SLC35D4: variants seen among roughly 807,000 people sequenced by gnomAD.
SLC35D4 encodes solute carrier family 35 member D4.
At chr18:23,317,050 G>A in the SLC35D4 span, among the ~76,000 whole-genome samples, 1 of 152,076 alleles carries the variant, frequency 6.6e-6, no homozygotes, top group African/African-American at 2.4e-5. Context: ...GAGTCCTGTG[G>A]CACTCTCCTT....
the SLC35D4 span, among the ~76,000 whole-genome samples, chr18:23,314,112 C>A: frequency 6.6e-6 from 1 of 152,220 alleles, no homozygotes; most frequent in African/African-American, 2.4e-5. Flanking sequence ...ACACAGCACC[C>A]ACCAGCTGCA....
the SLC35D4 span, chr18:23,309,614 A>G: frequency 2.7e-6 from 4 of 1,465,490 alleles, no homozygotes; most frequent in Non-Finnish European, 3.8e-6. Context: ...TTTGAGAGCA[A>G]AATTTAGTAT....
chr18:23,385,959 G>A, the SLC35D4 span, among the ~76,000 whole-genome samples: 13 of 151,720 alleles, frequency 8.6e-5, no homozygotes, highest in African/African-American at 2.7e-4. Context: ...GTGAAATCCC[G>A]TCTCTACTAA....
the SLC35D4 span, among the ~76,000 whole-genome samples, chr18:23,268,170 A>G: frequency 1.3e-5 from 2 of 152,234 alleles, no homozygotes; most frequent in South Asian, 2.1e-4. Flanking sequence ...GTCCTGAACT[A>G]AAGTCAAGAC....
the SLC35D4 span, among the ~76,000 whole-genome samples, chr18:23,409,638 C>T: frequency 2.0e-5 from 3 of 152,186 alleles, no homozygotes; most frequent in South Asian, 6.2e-4. Context: ...GTCAGGAGTT[C>T]AAGATCAGCC....
At chr18:23,410,179 A>G in the SLC35D4 span, among the ~76,000 whole-genome samples, 1 of 152,198 alleles carries the variant, frequency 6.6e-6, no homozygotes, top group Non-Finnish European at 1.5e-5. Context: ...TGGAAATGCT[A>G]TTAAAAGATA....
the SLC35D4 span, among the ~76,000 whole-genome samples, chr18:23,434,667 G>A: frequency 1.3e-5 from 2 of 151,910 alleles, no homozygotes; most frequent in South Asian, 2.1e-4. Flanking sequence ...GGTGGCGCAC[G>A]CCTGTAGTCC....
the SLC35D4 span, among the ~76,000 whole-genome samples, chr18:23,290,132 G>A: frequency 5.6e-4 from 85 of 152,342 alleles, no homozygotes; most frequent in Middle Eastern, 3.4e-3. Flanking sequence ...CAACCAGCCC[G>A]GTGATGGGCC....
At chr18:23,434,926 G>C in the SLC35D4 span, among the ~76,000 whole-genome samples, 1 of 152,184 alleles carries the variant, frequency 6.6e-6, no homozygotes, top group Non-Finnish European at 1.5e-5. Flanking sequence ...GGGAGGCTGA[G>C]GTGGGCGGAT....
the SLC35D4 span, among the ~76,000 whole-genome samples, chr18:23,300,988 C>T: frequency 6.6e-6 from 1 of 152,242 alleles, no homozygotes; most frequent in Admixed American, 6.5e-5. Context: ...GCATCCTTTA[C>T]CTGGCTGCAG....
the SLC35D4 span, among the ~76,000 whole-genome samples, chr18:23,283,678 G>T: frequency 3.3e-5 from 5 of 150,916 alleles, no homozygotes; most frequent in Non-Finnish European, 7.4e-5. Flanking sequence ...GTGTGGTGGC[G>T]CATGCCTGTA....
chr18:23,300,957 A>G, the SLC35D4 span, among the ~76,000 whole-genome samples: 1 of 152,254 alleles, frequency 6.6e-6, no homozygotes, highest in East Asian at 1.9e-4. Context: ...CTGTTGAGCT[A>G]GTAGACAGAG....
At chr18:23,437,454 TC>T in the SLC35D4 span, among the ~76,000 whole-genome samples, 1 of 151,830 alleles carries the variant, frequency 6.6e-6, no homozygotes, top group Non-Finnish European at 1.5e-5. Context: ...TGACTCTTCC[TC>T]CCCGGGGGAG....
the SLC35D4 span, among the ~76,000 whole-genome samples, chr18:23,344,162 G>A: frequency 3.9e-4 from 60 of 152,304 alleles, no homozygotes; most frequent in African/African-American, 1.2e-3. Flanking sequence ...GATTACAGGT[G>A]TGAGCCACCA....
the SLC35D4 span, among the ~76,000 whole-genome samples, chr18:23,315,263 G>T: frequency 6.6e-6 from 1 of 152,176 alleles, no homozygotes; most frequent in African/African-American, 2.4e-5. Flanking sequence ...TGCTCAGCAA[G>T]TTCTCTCTGC....
chr18:23,365,765 A>C, the SLC35D4 span: 1 of 1,389,380 alleles, frequency 7.2e-7, no homozygotes, highest in African/African-American at 1.4e-5. Context: ...AAATATGCCT[A>C]AAAGCAAATT....
the SLC35D4 span, chr18:23,377,517 A>T: frequency 2.5e-6 from 2 of 793,400 alleles, no homozygotes; most frequent in South Asian, 2.1e-5. Flanking sequence ...CAAATTAGGG[A>T]TATATGAATG....
the SLC35D4 span, among the ~76,000 whole-genome samples, chr18:23,413,943 CAAAAAAAAAAATTAAAA>C: frequency 1.8e-5 from 1 of 56,498 alleles, no homozygotes; most frequent in Non-Finnish European, 3.4e-5. Context: ...GGCTCCGCCT[CAAAAAAAAAAATTAAAA>C]AAAAAAAAAA....
At chr18:23,238,602 G>T in the SLC35D4 span, among the ~76,000 whole-genome samples, 2 of 152,234 alleles carry the variant, frequency 1.3e-5, no homozygotes, top group African/African-American at 4.8e-5. Context: ...CACGTAATAA[G>T]TGTTCAATAA....
Sources: allele counts gnomAD v4.1 joint callset (sites outside exome capture counted in the v4.1 genomes callset), GRCh38; gene constraint gnomAD v4.1.1; transcripts MANE v1.5; gene names NCBI Gene and HGNC (gene_info 2026-07-23, HGNC 2026-07-21).